The following CWF19L2 variants were observed in gnomAD, a reference collection of about 807,000 sequenced individuals.
The protein encoded by CWF19L2 is CWF19-like protein 2.
CWF19L2 carries 98 observed loss-of-function variants against 111.7 expected under a neutral mutation model. The observed-to-expected ratio is 0.88, with a 90% CI of 0.75 to 1.04. CWF19L2 has a LOEUF of 1.04. CWF19L2 is among the 50% of genes least tolerant of loss of function. CWF19L2 has a pLI of 0.00. For missense variants in CWF19L2, 1,101 were observed against 1,051.4 expected, an observed-to-expected ratio of 1.05 and a Z score of -0.65; for synonymous variants, 351 against 342.9, an observed-to-expected ratio of 1.02 and a Z score of -0.26.
chr11:107,362,024 G>A (rs576686371), intron 12 of CWF19L2, among the ~76,000 whole-genome samples: 1 of 152,326 alleles, frequency 6.6e-6, no homozygotes, highest in African/African-American at 2.4e-5. Context: ...AGCGCAAGGG[G>A]TCAGGGAGTT....
chr11:107,410,778 T>C lies in CWF19L2; in HGVS notation c.1617+5431A>G, dbSNP rs117852957. Among the ~76,000 whole-genome samples the C allele has an allele frequency of 3.7e-3, 564 of 152,276 alleles. 2 individuals are homozygous for C. The highest frequency in any genetic ancestry group is 0.017 in the Middle Eastern group (5 of 294). On this transcript the variant is annotated intron_variant, in intron 10 of 17. Transcript: ENST00000282251. ...ACCTGCTTCAAATGTTTTCCTTCTGTTCCAAGCCGCAAACCAGCTCTAACA... is the reference window on the plus strand; with the variant it reads ...ACCTGCTTCAAATGTTTTCCTTCTGCTCCAAGCCGCAAACCAGCTCTAACA...
intron 12 of CWF19L2, among the ~76,000 whole-genome samples, chr11:107,371,109 G>C (rs760820911): frequency 7.7e-6 from 1 of 129,906 alleles, no homozygotes; most frequent in East Asian, 2.2e-4. Context: ...TGCCTCCCGG[G>C]TTCTCCTGCC....
At chr11:107,396,830 C>T (rs1006881927) in intron 10 of CWF19L2, among the ~76,000 whole-genome samples, 7 of 152,176 alleles carry the variant, frequency 4.6e-5, no homozygotes, top group Non-Finnish European at 7.4e-5. Context: ...ACCCAGGAGA[C>T]ACCCCAAATA....
At chr11:107,346,181 C>T (rs1220549873) in intron 14 of CWF19L2, among the ~76,000 whole-genome samples, 1 of 152,028 alleles carries the variant, frequency 6.6e-6, no homozygotes, top group Non-Finnish European at 1.5e-5. Context: ...AAACTATTAA[C>T]GCTATATAGG....
chr11:107,408,067 C>T (rs998076406), intron 10 of CWF19L2, among the ~76,000 whole-genome samples: 2 of 151,878 alleles, frequency 1.3e-5, no homozygotes, highest in African/African-American at 4.8e-5. Flanking sequence ...GTAACAGGAT[C>T]CCAAAATAAT....
intron 10 of CWF19L2, among the ~76,000 whole-genome samples, chr11:107,396,563 T>A (rs1860924893): frequency 6.6e-6 from 1 of 152,180 alleles, no homozygotes; most frequent in African/African-American, 2.4e-5. Context: ...AGAATAAACC[T>A]TCCCTGTTGG....
rs1860525729 is a variant in CWF19L2 at position 107,372,482 on chromosome 11, AGT to A, written c.1872+17590_1872+17591del. ...TGGAGCAGAGGAAGCAAAACAAAAG[AGT>A]GTGATTCAAGATGAGTCTAAAGAGG... On this transcript the variant is annotated intron_variant, in intron 12 of 17. Coordinates refer to ENST00000282251, the MANE Select transcript of CWF19L2 (RefSeq NM_152434.3). Among the ~76,000 whole-genome samples the A allele has an allele frequency of 2.2e-5, 3 of 136,748 alleles. 1 individual carries two copies. The highest frequency in any genetic ancestry group is 2.1e-4 in the Admixed American group (3 of 13,982). 89.7% of individuals were successfully genotyped at this position (136,748 alleles called of 152,430 possible). A position where few individuals can be genotyped will look rare whatever the true frequency, so the allele number is the denominator to read the frequency against.
At chr11:107,416,999 A>G (rs1418170167) in intron 9 of CWF19L2, among the ~76,000 whole-genome samples, 1 of 152,208 alleles carries the variant, frequency 6.6e-6, no homozygotes, top group African/African-American at 2.4e-5. Context: ...TTCTAGGACG[A>G]GTGGAAGTTC....
chr11:107,425,793 T>C (rs954545371), intron 8 of CWF19L2, among the ~76,000 whole-genome samples: 5 of 151,874 alleles, frequency 3.3e-5, no homozygotes, highest in Admixed American at 1.3e-4. Context: ...CATCCAAAGG[T>C]TAAAATATTA....
At chr11:107,382,181 G>A (rs1458697144) in intron 12 of CWF19L2, among the ~76,000 whole-genome samples, 1 of 152,180 alleles carries the variant, frequency 6.6e-6, no homozygotes, top group East Asian at 1.9e-4. Context: ...TCAATAGAAT[G>A]TATTTTAAGA....
chr11:107,409,572 T>C (rs1861127861), intron 10 of CWF19L2, among the ~76,000 whole-genome samples: 2 of 152,128 alleles, frequency 1.3e-5, no homozygotes, highest in South Asian at 2.1e-4. Flanking sequence ...GTATACATAA[T>C]GTGACTCCAT....
rs1211553771 is a variant in CWF19L2, at chr11:107,402,875, A to ATATATATATG, written c.1618-9981_1618-9980insCATATATATA. The stretch of plus-strand genomic sequence containing the variant: ...AGTGGATAAACAAACTGTGGTGTGT[A>ATATATATATG]TATATATATATATATATATATATAT... On this transcript the variant is annotated intron_variant, in intron 10 of 17. Coordinates refer to ENST00000282251, the MANE Select transcript of CWF19L2 (RefSeq NM_152434.3). 1.9e-3 allele frequency among the ~76,000 whole-genome samples: 84 copies of ATATATATATG among 43,216 alleles called. 3 individuals carry two copies. The East Asian group carries it at 0.044, about 22-fold the overall frequency. The allele number at this position is 43,216 out of a possible 152,430, so 28.4% of individuals were successfully genotyped here. A position where few individuals can be genotyped will look rare whatever the true frequency, so the allele number is the denominator to read the frequency against.
chr11:107,424,599 T>A (rs969652147), intron 8 of CWF19L2, among the ~76,000 whole-genome samples: 1 of 151,814 alleles, frequency 6.6e-6, no homozygotes, highest in African/African-American at 2.4e-5. Context: ...GCAATGAAGG[T>A]AGGCTGAAGT....
chr11:107,386,159 A>G (rs1224702783), intron 12 of CWF19L2, among the ~76,000 whole-genome samples: 5 of 152,130 alleles, frequency 3.3e-5, no homozygotes, highest in Non-Finnish European at 4.4e-5. Context: ...AACTACAGAT[A>G]AGTACCACCA....
intron 8 of CWF19L2, among the ~76,000 whole-genome samples, chr11:107,422,088 G>A (rs748723085): frequency 1.2e-4 from 18 of 152,008 alleles, no homozygotes; most frequent in Non-Finnish European, 2.2e-4. Flanking sequence ...TAATTACTCT[G>A]AGTGAAAGAA....
rs141107864 is a variant in CWF19L2 at position 107,353,293 on chromosome 11, A to G, written c.2085+231T>C. On this transcript the variant is annotated intron_variant, in intron 13 of 17. Coordinates refer to ENST00000282251, the MANE Select transcript of CWF19L2 (RefSeq NM_152434.3). The stretch of plus-strand genomic sequence containing the variant: ...TTTATTCAATGTAAGAATTAAATCA[A>G]TAAGTATTTATTGAAATGAATTACT... Among the ~76,000 whole-genome samples, 122 of 152,336 alleles carry G rather than the reference A, an allele frequency of 8.0e-4. 3 individuals carry two copies. In the East Asian group the frequency reaches 0.013, roughly 17 times the overall value.
chr11:107,420,249 A>G (rs908697104), intron 8 of CWF19L2, among the ~76,000 whole-genome samples: 11 of 152,114 alleles, frequency 7.2e-5, no homozygotes, highest in African/African-American at 2.2e-4. Context: ...GATGGATATA[A>G]AAGCAAAATT....
intron 8 of CWF19L2, among the ~76,000 whole-genome samples, chr11:107,427,792 A>G (rs1027575776): frequency 6.6e-6 from 1 of 152,064 alleles, no homozygotes; most frequent in African/African-American, 2.4e-5. Context: ...TTCTCCTTCC[A>G]CTTCCTGGGA....
chr11:107,430,895 AAC>A (rs1861457294), intron 7 of CWF19L2, among the ~76,000 whole-genome samples: 1 of 124,910 alleles, frequency 8.0e-6, no homozygotes, highest in Non-Finnish European at 2.0e-5. Context: ...AAAGGAGAAT[AAC>A]TACGTAAGAT....
Sources: gnomAD v4.1 joint callset for allele counts (sites outside exome capture counted in the v4.1 genomes callset) on GRCh38, gnomAD v4.1.1 for gene constraint, MANE v1.5 for transcripts, NCBI Gene and HGNC (gene_info 2026-07-23, HGNC 2026-07-21) for gene names.